The following KCND3 variants were observed in gnomAD, a reference collection of about 807,000 sequenced individuals.
KCND3 encodes A-type voltage-gated potassium channel KCND3.
A neutral mutation model predicts 51.1 loss-of-function variants in KCND3; 9 were observed. The ratio of observed to expected loss-of-function variants is 0.18; its 90% CI spans 0.11 to 0.31. The LOEUF (loss-of-function observed/expected upper bound fraction) is 0.31, where lower values mean the gene tolerates loss of function less well. Ranked by LOEUF, KCND3 falls within the 10% of genes least tolerant of loss-of-function variation. The pLI is 1.00. For missense variants in KCND3, 526 were observed against 903.8 expected (o/e 0.58, Z 5.36); for synonymous variants, 349 against 368.0 (o/e 0.95, Z 0.59).
intron 2 of KCND3, among the ~76,000 whole-genome samples, chr1:111,889,594 G>A (rs1290089906): frequency 6.6e-6 from 1 of 152,068 alleles, no homozygotes; most frequent in Non-Finnish European, 1.5e-5. Flanking sequence ...CAAAGTTAAG[G>A]ATGCACCCAG....
Position 111,982,106 on chromosome 1 carries a change from G to A in KCND3, c.621C>T (p.Cys207=), listed in dbSNP as rs1571940733. 1.2e-6 allele frequency: 2 copies of A among 1,613,738 alleles called. No homozygotes were observed. The highest frequency in any genetic ancestry group is 1.7e-6 in the Non-Finnish European group (2 of 1,179,952). The change falls in exon 2 of 8, where the codon TGC becomes TGT. Residue 207 remains cysteine (C), a synonymous_variant. Transcript: ENST00000302127. The surrounding 1 kb of genome is among the most constrained non-coding windows in gnomAD (Gnocchi z 8.5). ...VITNVVETVP[C]GTVPGSKELP... is the part of the protein sequence containing the mutation. ...GCTCCTTGCTGCCCGGGACCGTGCC[G>A]CACGGCACCGTCTCCACCACGTTGG...
intron 2 of KCND3, among the ~76,000 whole-genome samples, chr1:111,881,253 G>A (rs753435772): frequency 6.6e-6 from 1 of 152,140 alleles, no homozygotes; most frequent in Admixed American, 6.5e-5. Flanking sequence ...CAAGCAATTC[G>A]GGATTAACTC....
At chr1:111,860,113 T>C (rs945986596) in intron 2 of KCND3, among the ~76,000 whole-genome samples, 1 of 152,212 alleles carries the variant, frequency 6.6e-6, no homozygotes, top group Non-Finnish European at 1.5e-5. Flanking sequence ...CTACCAACAA[T>C]AGTTACGGCA....
chr1:111,924,051 G>C (rs955974101), intron 2 of KCND3, among the ~76,000 whole-genome samples: 2 of 152,168 alleles, frequency 1.3e-5, no homozygotes, highest in Admixed American at 6.5e-5. Context: ...ACTAGGACTC[G>C]CAGTCACAAG....
intron 2 of KCND3, among the ~76,000 whole-genome samples, chr1:111,861,170 C>T (rs370643685): frequency 1.1e-4 from 16 of 151,874 alleles, no homozygotes; most frequent in South Asian, 4.2e-4. Context: ...GGAAGGGGGG[C>T]GGGGCGTGGG....
chr1:111,887,590 C>G (rs570699159), intron 2 of KCND3, among the ~76,000 whole-genome samples: 98 of 152,288 alleles, frequency 6.4e-4, no homozygotes, highest in African/African-American at 2.3e-3. Context: ...CTCTATCACA[C>G]AGTAGCAGGG....
chr1:111,879,384 C>G (rs1319262437), intron 2 of KCND3, among the ~76,000 whole-genome samples: 1 of 152,164 alleles, frequency 6.6e-6, no homozygotes, highest in Non-Finnish European at 1.5e-5. Context: ...TCTCAGCTTC[C>G]AGGGACGACT....
At chr1:111,799,165 C>CT (rs1665183355) in intron 2 of KCND3, among the ~76,000 whole-genome samples, 1 of 151,696 alleles carries the variant, frequency 6.6e-6, no homozygotes, top group Non-Finnish European at 1.5e-5. Flanking sequence ...CATTCTTAAC[C>CT]TAGGGCTTCA....
chr1:111,886,815 G>A (rs771996376), intron 2 of KCND3, among the ~76,000 whole-genome samples: 2 of 152,192 alleles, frequency 1.3e-5, no homozygotes, highest in Non-Finnish European at 2.9e-5. Context: ...CCAGTAGACG[G>A]TGGATTTGTG....
intron 2 of KCND3, among the ~76,000 whole-genome samples, chr1:111,859,492 G>T (rs1668239017): frequency 6.6e-6 from 1 of 152,206 alleles, no homozygotes; most frequent in African/African-American, 2.4e-5. Flanking sequence ...GGACACCGGG[G>T]CCCAGAAGGC....
At chr1:111,807,323 G>T (rs1429806566) in intron 2 of KCND3, among the ~76,000 whole-genome samples, 1 of 152,228 alleles carries the variant, frequency 6.6e-6, no homozygotes, top group African/African-American at 2.4e-5. Flanking sequence ...TCTATGTTTA[G>T]ATAGGTTGAG....
At chr1:111,834,496 C>T (rs1254211748) in intron 2 of KCND3, among the ~76,000 whole-genome samples, 1 of 152,216 alleles carries the variant, frequency 6.6e-6, no homozygotes, top group Admixed American at 6.5e-5. Flanking sequence ...ACTGAGAACA[C>T]AGAAACATAT....
At chr1:111,878,188 A>G (rs1291595383) in intron 2 of KCND3, among the ~76,000 whole-genome samples, 1 of 152,226 alleles carries the variant, frequency 6.6e-6, no homozygotes, top group Admixed American at 6.5e-5. Context: ...CTCTGGCTTG[A>G]TGCCACTGCC....
chr1:111,987,131 C>T (rs1227555187), intron 1 of KCND3, among the ~76,000 whole-genome samples: 2 of 152,122 alleles, frequency 1.3e-5, no homozygotes, highest in African/African-American at 4.8e-5. Context: ...TGATGCCCTT[C>T]CCCTTTCATT....
intron 2 of KCND3, among the ~76,000 whole-genome samples, chr1:111,832,306 G>A (rs542684616): frequency 3.3e-4 from 50 of 152,194 alleles, no homozygotes; most frequent in South Asian, 2.1e-3. Context: ...TTGTAACTCC[G>A]AGAGAAGCCT....
chr1:111,939,890 C>G (rs1323679117), intron 2 of KCND3, among the ~76,000 whole-genome samples: 1 of 152,174 alleles, frequency 6.6e-6, no homozygotes, highest in Admixed American at 6.5e-5. Context: ...TCTCCAGCAT[C>G]TGTTGTTTCC....
At chr1:111,851,695 C>T (rs760502707) in intron 2 of KCND3, among the ~76,000 whole-genome samples, 4 of 152,252 alleles carry the variant, frequency 2.6e-5, no homozygotes, top group Non-Finnish European at 4.4e-5. Context: ...GCCTGTTCCT[C>T]ATTCTTCTTG....
intron 2 of KCND3, among the ~76,000 whole-genome samples, chr1:111,923,534 T>G (rs1671568481): frequency 6.6e-6 from 1 of 152,194 alleles, no homozygotes; most frequent in Non-Finnish European, 1.5e-5. Flanking sequence ...ACCTGAAAGT[T>G]TATAGAAGCA....
chr1:111,900,286 C>A (rs61788922), intron 2 of KCND3, among the ~76,000 whole-genome samples: 1 of 152,156 alleles, frequency 6.6e-6, no homozygotes, highest in Non-Finnish European at 1.5e-5. Context: ...TCTGAGACTA[C>A]GGTGCAGAAG....
Sources: gnomAD v4.1 joint callset for allele counts (sites outside exome capture counted in the v4.1 genomes callset) on GRCh38, gnomAD v4.1.1 for gene constraint, Gnocchi (gnomAD v3.1) non-coding constraint, MANE v1.5 for transcripts, NCBI Gene and HGNC (gene_info 2026-07-23, HGNC 2026-07-21) for gene names.